The following ITGA11 variants were observed in gnomAD, a reference collection of about 807,000 sequenced individuals.
The protein encoded by ITGA11 is integrin subunit alpha 11.
Under a neutral mutation model 141.9 loss-of-function variants are expected in ITGA11, and 97 were observed. The observed-to-expected ratio is 0.68, with a 90% CI of 0.58 to 0.81. The LOEUF is 0.81. ITGA11 is among the 30% of genes least tolerant of loss of function. The pLI, the probability that ITGA11 is intolerant of heterozygous loss-of-function variation, is 0.00. For synonymous variants in ITGA11, 658 were observed against 624.6 expected (o/e 1.05, Z -0.80); for missense variants, 1,387 against 1,559.2 (o/e 0.89, Z 1.86).
intron 11 of ITGA11, 41 bp downstream of exon 11, chr15:68,339,459 G>A (rs769263863): frequency 2.5e-6 from 4 of 1,582,352 alleles, no homozygotes; most frequent in Middle Eastern, 1.7e-4. Context: ...GTGCCCTCCC[G>A]GCCCACGACC....
chr15:68,358,737 T>G (rs1314959685), intron 5 of ITGA11, among the ~76,000 whole-genome samples, 152 bp from the exon 6 acceptor site: 1 of 152,238 alleles, frequency 6.6e-6, no homozygotes, highest in Non-Finnish European at 1.5e-5. Context: ...GGACATTTAT[T>G]TGGGCAATGT....
rs773040619 is a variant in ITGA11 at position 68,339,679 on chromosome 15, T to A, written c.1132-35A>T. ...GGGAGGGGACACACATCAGCACCTG[T>A]CCTCATGGGCCAGTTGCCAGGAGCC... On this transcript the variant is annotated intron_variant, in intron 10 of 29. Transcript: ENST00000315757. 9 of 1,610,132 alleles carry A rather than the reference T, an allele frequency of 5.6e-6. No individual in the cohort carries two copies. The East Asian group carries it at 2.0e-4, about 36-fold the overall frequency.
At chr15:68,393,861 T>C (rs1365699926) in intron 2 of ITGA11, among the ~76,000 whole-genome samples, 1 of 152,146 alleles carries the variant, frequency 6.6e-6, no homozygotes, top group Admixed American at 6.5e-5. Context: ...AACAATAATG[T>C]CTTGTGGAAT....
intron 2 of ITGA11, among the ~76,000 whole-genome samples, chr15:68,393,828 T>C (rs1430502267): frequency 1.3e-5 from 2 of 152,172 alleles, no homozygotes; most frequent in Non-Finnish European, 2.9e-5. Context: ...TAGACATAAA[T>C]ATTAACAACT....
chr15:68,343,695 G>C (rs370592484), intron 10 of ITGA11, among the ~76,000 whole-genome samples: 1 of 152,174 alleles, frequency 6.6e-6, no homozygotes, highest in African/African-American at 2.4e-5. Context: ...GAGAGTCCAC[G>C]TCAGAGTGGC....
In ITGA11 at chr15:68,364,716, G is replaced by C. The variant is rs1895361458; in HGVS notation, c.348C>G (p.Asn116Lys). The C allele has an allele frequency of 1.9e-6, 3 of 1,613,174 alleles. No homozygotes were observed. Among genetic ancestry groups the C allele is most frequent in the African/African-American group, 1.3e-5 (1 of 74,846 alleles). The part of the protein sequence containing the change: ...GLSLATNPKD[N>K]SFLACSPLWS... ...GGCAGGTGGCTCTTACCAGGAAGCT[G>C]TTGTCCTTGGGGTTGGTGGCGAGAC... Residue 116 changes from asparagine to lysine, a missense_variant, in exon 4 of 30, where the codon AAC (asparagine) becomes AAG (lysine). Coordinates refer to ENST00000315757, the MANE Select transcript of ITGA11 (RefSeq NM_001004439.2).
chr15:68,323,571 G>A (rs1322334797), intron 18 of ITGA11, among the ~76,000 whole-genome samples: 1 of 152,116 alleles, frequency 6.6e-6, no homozygotes, highest in Admixed American at 6.5e-5. Context: ...TCACTTGCTG[G>A]GGGCTAGAAA....
chr15:68,348,942 C>T, intron 9 of ITGA11, 42 bp from the exon 10 acceptor site: 1 of 1,529,354 alleles, frequency 6.5e-7, no homozygotes, highest in Non-Finnish European at 8.9e-7. Flanking sequence ...CATGCCCAAT[C>T]CCTTAGCGCC....
In ITGA11 at chr15:68,321,326, T is replaced by TCACAG. The variant is rs1893800074; in HGVS notation, c.2408+91_2408+92insCTGTG. The TCACAG allele has an allele frequency of 1.4e-6, 1 of 701,016 alleles. No individual in the cohort carries two copies. Among genetic ancestry groups the TCACAG allele is most frequent in the African/African-American group, 1.9e-5 (1 of 52,584 alleles). 43.4% of individuals were successfully genotyped at this position (701,016 alleles called of 1,614,324 possible). A position where few individuals can be genotyped will look rare whatever the true frequency, so the allele number is the denominator to read the frequency against. The stretch of plus-strand genomic sequence containing the variant: ...TGATCCATGCTGCCTGTGAGGAGGA[T>TCACAG]GTCCAGGAAATAATCCAGGGCCCCA... On this transcript the variant is annotated intron_variant, in intron 19 of 29. Coordinates refer to ENST00000315757, the MANE Select transcript of ITGA11 (RefSeq NM_001004439.2). The surrounding 1 kb of genome is among the most constrained non-coding windows in gnomAD (Gnocchi z 4.9).
Position 68,308,401 on chromosome 15 carries a change from G to A in ITGA11, c.3175-705C>T, listed in dbSNP as rs1893267763. 6.6e-6 allele frequency among the ~76,000 whole-genome samples: 1 copy of A among 152,170 alleles called. No homozygotes were observed. Among genetic ancestry groups the A allele is most frequent in the South Asian group, 2.1e-4 (1 of 4,836 alleles). On this transcript the variant is annotated intron_variant, in intron 26 of 29. Coordinates refer to ENST00000315757, the MANE Select transcript of ITGA11 (RefSeq NM_001004439.2). The surrounding 1 kb of genome is among the most constrained non-coding windows in gnomAD (Gnocchi z 5.2). ...TGCTTTATAAAAAGTTGATGGGGAT[G>A]ATATCACAAAGAAATCAGCAGTTTG...
intron 1 of ITGA11, among the ~76,000 whole-genome samples, chr15:68,423,033 T>C (rs2140438817): frequency 6.6e-6 from 1 of 152,278 alleles, no homozygotes; most frequent in African/African-American, 2.4e-5. Flanking sequence ...CTGGAGTGCA[T>C]GTGCAAAGAA....
At chr15:68,380,355 C>T (rs1191809138) in intron 2 of ITGA11, among the ~76,000 whole-genome samples, 1 of 152,204 alleles carries the variant, frequency 6.6e-6, no homozygotes, top group East Asian at 1.9e-4. Flanking sequence ...CTCTGAGCCT[C>T]AGTTTCCCCA....
At chr15:68,385,493 T>A (rs543746005) in intron 2 of ITGA11, among the ~76,000 whole-genome samples, 2 of 152,376 alleles carry the variant, frequency 1.3e-5, no homozygotes, top group Non-Finnish European at 2.9e-5. Context: ...CCACCATAGT[T>A]GGCCTCTGGT....
chr15:68,307,670 G>T lies in ITGA11; in HGVS notation c.3201C>A (p.Ser1067=), dbSNP rs763638281. The stretch of plus-strand genomic sequence containing the variant: ...GGACCAGCCGTATATTGCAGTTGAT[G>T]GAGACGACATCAGAGTTGCTGTGAT... ...QLNHSNSDVV[S]INCNIRLVPN... The change falls in exon 27 of 30, where the codon TCC becomes TCA. Residue 1067 remains serine (S), a synonymous_variant. Transcript: ENST00000315757. The surrounding 1 kb of genome is among the most constrained non-coding windows in gnomAD (Gnocchi z 6.1). 1 of 1,613,694 alleles carries T rather than the reference G, an allele frequency of 6.2e-7. No homozygotes were observed. Among genetic ancestry groups the T allele is most frequent in the East Asian group, 2.2e-5 (1 of 44,880 alleles).
At chr15:68,404,577 A>C (rs775434190) in intron 1 of ITGA11, among the ~76,000 whole-genome samples, 1 of 152,154 alleles carries the variant, frequency 6.6e-6, no homozygotes, top group Non-Finnish European at 1.5e-5. Flanking sequence ...TTGGAGAATG[A>C]GTGAGCATCG....
intron 12 of ITGA11, 149 bp from the exon 13 acceptor site, chr15:68,332,627 T>A: frequency 1.2e-6 from 1 of 839,296 alleles, no homozygotes; most frequent in African/African-American, 1.7e-5. Flanking sequence ...ACGCGCTACC[T>A]CTCTCTCCTG....
rs1892940543 is a variant in ITGA11, at chr15:68,297,726, C to A, written c.*5333G>T. 6.6e-6 allele frequency: 1 copy of A among 152,132 alleles called. No individual in the cohort carries two copies. The highest frequency in any genetic ancestry group is 2.4e-5 in the African/African-American group (1 of 41,412). 9.4% of individuals were successfully genotyped at this position (152,132 alleles called of 1,614,324 possible). Reference sequence around the variant, plus strand: ...AATAATATGGCATTCTCATTTCCAGCCTTCACATCTCAGGAGAGTATTAAA... The same window carrying A: ...AATAATATGGCATTCTCATTTCCAGACTTCACATCTCAGGAGAGTATTAAA... On this transcript the variant is annotated 3_prime_UTR_variant, in exon 30 of 30. Transcript: ENST00000315757.
chr15:68,317,348 T>C lies in ITGA11; in HGVS notation c.2632A>G (p.Ser878Gly), dbSNP rs765252460. The C allele has an allele frequency of 6.8e-6, 11 of 1,612,474 alleles. No individual in the cohort carries two copies. In the East Asian group the frequency reaches 1.3e-4, roughly 20 times the overall value. The change falls in exon 21 of 30, where the codon AGC becomes GGC. Residue 878 changes from serine to glycine, a missense_variant. Physicochemically the swap from Ser to Gly is moderately conservative, Grantham distance 56. Coordinates refer to ENST00000315757, the MANE Select transcript of ITGA11 (RefSeq NM_001004439.2). ...CTCTCCTCGTTCACACACTCAATGC[T>C]ACCGTCTGAGTCCTCCTGGAGGTGG... ...SLIQKEDSDG[S>G]IECVNEERRL...
chr15:68,374,125 GA>G (rs34338447), intron 2 of ITGA11, among the ~76,000 whole-genome samples: 8,392 of 152,256 alleles, frequency 0.055, 329 homozygotes, highest in Non-Finnish European at 0.086. Flanking sequence ...ACCAATGAGG[GA>G]GAAGCAGATT....
Sources: allele counts gnomAD v4.1 joint callset (sites outside exome capture counted in the v4.1 genomes callset), GRCh38; gene constraint gnomAD v4.1.1; non-coding constraint Gnocchi (gnomAD v3.1); transcripts MANE v1.5; gene names NCBI Gene and HGNC (gene_info 2026-07-23, HGNC 2026-07-21).